GATB: variants seen among roughly 807,000 people sequenced by gnomAD.
The protein encoded by GATB is glutamyl-tRNA(Gln) amidotransferase subunit B, mitochondrial.
Under a neutral mutation model 62.3 loss-of-function variants are expected in GATB, and 39 were observed. That is an observed-to-expected ratio of 0.63 (90% CI 0.48 to 0.82). The LOEUF (loss-of-function observed/expected upper bound fraction) is 0.82. Ranked by LOEUF, GATB falls within the 40% of genes least tolerant of loss-of-function variation. The pLI, the probability that GATB is intolerant of heterozygous loss-of-function variation, is 0.00. For synonymous variants in GATB, 276 were observed against 258.9 expected, an observed-to-expected ratio of 1.07 and a Z score of -0.63; for missense variants, 670 against 684.0, an observed-to-expected ratio of 0.98 and a Z score of 0.23.
chr4:151,682,768 T>A (rs1738168207), intron 10 of GATB, among the ~76,000 whole-genome samples: 2 of 152,000 alleles, frequency 1.3e-5, no homozygotes. Context: ...TCTGCTTCTG[T>A]TAAAACAGGA....
intron 9 of GATB, among the ~76,000 whole-genome samples, chr4:151,700,626 C>G (rs1049677195): frequency 6.6e-6 from 1 of 152,196 alleles, no homozygotes; most frequent in Non-Finnish European, 1.5e-5. Flanking sequence ...GATGCAGCAA[C>G]AAAACTTCCC....
intron 2 of GATB, among the ~76,000 whole-genome samples, chr4:151,754,594 G>A (rs1739787071): frequency 6.6e-6 from 1 of 152,116 alleles, no homozygotes; most frequent in African/African-American, 2.4e-5. Context: ...CAGAGAAGAA[G>A]AATGAAATGT....
chr4:151,707,507 G>A (rs1738737319), intron 6 of GATB, among the ~76,000 whole-genome samples: 1 of 152,042 alleles, frequency 6.6e-6, no homozygotes. Context: ...TTGCCCAGGT[G>A]GTCTTGAACT....
chr4:151,681,288 TGTAA>T (rs761149593), intron 10 of GATB, among the ~76,000 whole-genome samples: 1 of 152,332 alleles, frequency 6.6e-6, no homozygotes, highest in South Asian at 2.1e-4. Context: ...CCCATCATCC[TGTAA>T]GTGTCTGTTT....
At chr4:151,715,834 C>A (rs1387084757) in intron 5 of GATB, among the ~76,000 whole-genome samples, 175 bp downstream of exon 5, 1 of 151,918 alleles carries the variant, frequency 6.6e-6, no homozygotes, top group Non-Finnish European at 1.5e-5. Flanking sequence ...AAGGAAAATT[C>A]TAAACAAACA....
intron 11 of GATB, 21 bp from the exon 12 acceptor site, chr4:151,672,917 A>C (rs762755890): frequency 3.1e-6 from 5 of 1,612,948 alleles, no homozygotes; most frequent in Non-Finnish European, 4.2e-6. Context: ...GAGAAGGGAG[A>C]GGAAAGAGAA....
rs1255717727 is a variant in GATB, at chr4:151,672,747, GC to G, written c.1545+14del. The G allele has an allele frequency of 6.2e-7, 1 of 1,613,000 alleles. No homozygotes were observed. Among genetic ancestry groups the G allele is most frequent in the South Asian group, 1.1e-5 (1 of 90,854 alleles). On this transcript the variant is annotated intron_variant, in intron 12 of 12. Transcript: ENST00000263985. ...GGGGCTGGCTCTGGCCCTCTCCCCT[GC>G]CCGAGATAGTCACCACTTGAGGATG...
chr4:151,757,212 C>T (rs1739848740), intron 2 of GATB, among the ~76,000 whole-genome samples: 2 of 152,306 alleles, frequency 1.3e-5, no homozygotes, highest in Non-Finnish European at 1.5e-5. Context: ...GGCACACCTC[C>T]ACATCTATCT....
At chr4:151,694,659 A>G (rs1191353104) in intron 9 of GATB, among the ~76,000 whole-genome samples, 1 of 152,242 alleles carries the variant, frequency 6.6e-6, no homozygotes, top group Non-Finnish European at 1.5e-5. Flanking sequence ...CTTCAACAGT[A>G]GTTAGAAGGT....
At chr4:151,701,635 T>G (rs1416563470) in intron 8 of GATB, 117 bp from the exon 9 acceptor site, 2 of 730,066 alleles carry the variant, frequency 2.7e-6, no homozygotes, top group Non-Finnish European at 2.0e-6. Context: ...CTTGCAAATA[T>G]TTTCAAATGT....
intron 2 of GATB, among the ~76,000 whole-genome samples, chr4:151,753,250 G>C (rs768880191): frequency 6.6e-6 from 1 of 152,130 alleles, no homozygotes; most frequent in East Asian, 1.9e-4. Flanking sequence ...AGAGGGTCAG[G>C]TAGAGAAGCT....
intron 5 of GATB, among the ~76,000 whole-genome samples, chr4:151,709,279 T>C (rs900751099): frequency 3.9e-5 from 6 of 152,188 alleles, no homozygotes; most frequent in African/African-American, 1.4e-4. Flanking sequence ...CGGCGGCCCG[T>C]GGCTGACACC....
chr4:151,753,380 T>C (rs762183443), intron 2 of GATB, among the ~76,000 whole-genome samples: 1 of 152,106 alleles, frequency 6.6e-6, no homozygotes, highest in Non-Finnish European at 1.5e-5. Context: ...GTAGGACACA[T>C]CATCTCAGTT....
chr4:151,752,521 G>A (rs959340888), intron 2 of GATB, among the ~76,000 whole-genome samples: 2 of 152,056 alleles, frequency 1.3e-5, no homozygotes, highest in African/African-American at 4.8e-5. Context: ...ATCTCTGGAA[G>A]ATTTTCTTGA....
chr4:151,713,082 T>C, intron 5 of GATB, among the ~76,000 whole-genome samples: 1 of 152,054 alleles, frequency 6.6e-6, no homozygotes, highest in Non-Finnish European at 1.5e-5. Flanking sequence ...TTGTGAACTG[T>C]GCATGAGAGG....
At chr4:151,696,728 G>A (rs755418350) in intron 9 of GATB, among the ~76,000 whole-genome samples, 3 of 152,242 alleles carry the variant, frequency 2.0e-5, no homozygotes, top group Non-Finnish European at 4.4e-5. Context: ...AGGCTGCTTA[G>A]GCAAATGGCT....
At chr4:151,741,463 G>A (rs999923001) in intron 2 of GATB, among the ~76,000 whole-genome samples, 2 of 152,130 alleles carry the variant, frequency 1.3e-5, no homozygotes, top group African/African-American at 2.4e-5. Flanking sequence ...TATTTTTGAG[G>A]GAAAACAAAC....
At chr4:151,699,789 C>CAA (rs1738562517) in intron 9 of GATB, among the ~76,000 whole-genome samples, 2 of 152,128 alleles carry the variant, frequency 1.3e-5, no homozygotes, top group South Asian at 4.1e-4. Flanking sequence ...CACACACACA[C>CAA]ACACACAAAT....
chr4:151,713,582 A>C (rs1186945863), intron 5 of GATB, among the ~76,000 whole-genome samples: 1 of 152,144 alleles, frequency 6.6e-6, no homozygotes, highest in Non-Finnish European at 1.5e-5. Flanking sequence ...CTTCTGTACA[A>C]AATTATTTGG....
Sources: allele counts gnomAD v4.1 joint callset (sites outside exome capture counted in the v4.1 genomes callset), GRCh38; gene constraint gnomAD v4.1.1; transcripts MANE v1.5; gene names NCBI Gene and HGNC (gene_info 2026-07-23, HGNC 2026-07-21).